Variants in FHIT observed in about 807,000 individuals in gnomAD.
FHIT encodes bis(5'-adenosyl)-triphosphatase.
Under a neutral mutation model 17.9 loss-of-function variants are expected in FHIT, and 19 were observed. The ratio of observed to expected loss-of-function variants is 1.06; its 90% CI spans 0.74 to 1.56. The LOEUF is 1.56. Ranked by LOEUF, FHIT falls within the 40% of genes most tolerant of loss-of-function variation. The probability of loss-of-function intolerance (pLI) is 0.00; values close to 1 mark genes in which losing one functional copy is unlikely to be tolerated. For missense variants in FHIT, 248 were observed against 189.2 expected (o/e 1.31, Z -1.82); for synonymous variants, 81 against 69.7 (o/e 1.16, Z -0.81).
chr3:60,643,722 T>C (rs376703067), intron 4 of FHIT, among the ~76,000 whole-genome samples: 2 of 152,204 alleles, frequency 1.3e-5, no homozygotes, highest in Non-Finnish European at 2.9e-5. Flanking sequence ...TTATTTATAC[T>C]CCTTCTATGA....
chr3:60,080,062 A>T (rs1703209656), intron 5 of FHIT, among the ~76,000 whole-genome samples: 1 of 152,184 alleles, frequency 6.6e-6, no homozygotes, highest in South Asian at 2.1e-4. Context: ...TTTTGAAAGG[A>T]GAAAAAAATA....
intron 2 of FHIT, among the ~76,000 whole-genome samples, chr3:61,114,891 T>C (rs995916188): frequency 1.3e-4 from 20 of 152,270 alleles, no homozygotes; most frequent in Non-Finnish European, 2.4e-4. Flanking sequence ...ATGCTTCCAG[T>C]ACAAAGTTTA....
At chr3:59,962,797 A>T (rs1342164179) in intron 7 of FHIT, among the ~76,000 whole-genome samples, 1 of 152,250 alleles carries the variant, frequency 6.6e-6, no homozygotes, top group Non-Finnish European at 1.5e-5. Context: ...TCAAGAACAC[A>T]AACATAATCT....
At position 60,222,575 on chromosome 3, in the gene FHIT, G is replaced by A. The variant is rs531633072; in HGVS notation, c.104-208423C>T. Among the ~76,000 whole-genome samples, 4 of 152,244 alleles carry A rather than the reference G, an allele frequency of 2.6e-5. No individual in the cohort carries two copies. The South Asian group carries it at 6.2e-4, about 24-fold the overall frequency. On this transcript the variant is annotated intron_variant, in intron 5 of 9. Transcript: ENST00000492590. ...GGAGGTTGAGGCGGGTGGATCACGA[G>A]GTCAGGAGTTCGAGACCAGCCTGGC...
intron 5 of FHIT, among the ~76,000 whole-genome samples, chr3:60,241,111 T>C (rs1208292160): frequency 6.6e-6 from 1 of 152,124 alleles, no homozygotes; most frequent in Non-Finnish European, 1.5e-5. Flanking sequence ...GGGGGTGGAA[T>C]GGGGAATCAC....
chr3:60,512,978 C>A (rs575130197), intron 5 of FHIT, among the ~76,000 whole-genome samples: 148 of 152,240 alleles, frequency 9.7e-4, no homozygotes, highest in Admixed American at 4.8e-3. Context: ...ACTGAGAAAG[C>A]AAATTGAGAA....
intron 5 of FHIT, among the ~76,000 whole-genome samples, chr3:60,099,403 T>C (rs1704099367): frequency 1.3e-5 from 2 of 152,140 alleles, no homozygotes; most frequent in Non-Finnish European, 2.9e-5. Flanking sequence ...GCTATAATAA[T>C]CCTCATTTCA....
At chr3:61,009,842 T>A (rs1328710306) in intron 3 of FHIT, among the ~76,000 whole-genome samples, 1 of 152,208 alleles carries the variant, frequency 6.6e-6, no homozygotes, top group Non-Finnish European at 1.5e-5. Context: ...AATATAATAT[T>A]TGGGTAGCCT....
intron 2 of FHIT, among the ~76,000 whole-genome samples, chr3:61,172,685 C>CATA (rs1414745907): frequency 6.6e-6 from 1 of 152,146 alleles, no homozygotes; most frequent in Non-Finnish European, 1.5e-5. Flanking sequence ...TGTCCAAACA[C>CATA]TTTCTGTGAG....
intron 4 of FHIT, among the ~76,000 whole-genome samples, chr3:60,737,686 G>A (rs1553712945): frequency 6.6e-6 from 1 of 152,156 alleles, no homozygotes; most frequent in East Asian, 1.9e-4. Flanking sequence ...ATAGATGGAG[G>A]AACCAGGGTG....
intron 8 of FHIT, among the ~76,000 whole-genome samples, chr3:59,769,799 T>A (rs896524140): frequency 6.6e-6 from 1 of 151,790 alleles, no homozygotes. Context: ...TCCCCTCAGA[T>A]AAACCCATTC....
At chr3:60,049,382 CTTTAA>C (rs1259945459) in intron 5 of FHIT, among the ~76,000 whole-genome samples, 1 of 152,076 alleles carries the variant, frequency 6.6e-6, no homozygotes, top group Non-Finnish European at 1.5e-5. Flanking sequence ...TTTAATTTAT[CTTTAA>C]TTTAAATTTG....
At chr3:60,146,013 T>A (rs999169226) in intron 5 of FHIT, among the ~76,000 whole-genome samples, 1 of 151,572 alleles carries the variant, frequency 6.6e-6, no homozygotes, top group South Asian at 2.1e-4. Context: ...AAAAGCTGTA[T>A]TGGTTTCCTC....
chr3:59,878,891 T>A (rs967897601), intron 8 of FHIT, among the ~76,000 whole-genome samples: 1 of 145,422 alleles, frequency 6.9e-6, no homozygotes, highest in African/African-American at 2.4e-5. Flanking sequence ...CTGCATGCTA[T>A]TTTTTTTACT....
chr3:60,371,365 CTTTTT>C (rs56390367), intron 5 of FHIT, among the ~76,000 whole-genome samples: 2 of 148,886 alleles, frequency 1.3e-5, no homozygotes, highest in Admixed American at 6.7e-5. Flanking sequence ...TTTCTTCTAG[CTTTTT>C]TTTTTAAGAG....
At chr3:60,073,743 C>T (rs1291984079) in intron 5 of FHIT, among the ~76,000 whole-genome samples, 2 of 152,130 alleles carry the variant, frequency 1.3e-5, no homozygotes, top group East Asian at 3.9e-4. Context: ...ACCTGTGGCC[C>T]TTGACTCACT....
At chr3:61,040,623 G>C (rs2033461691) in intron 3 of FHIT, among the ~76,000 whole-genome samples, 1 of 151,962 alleles carries the variant, frequency 6.6e-6, no homozygotes, top group African/African-American at 2.4e-5. Flanking sequence ...ACTTGATGAA[G>C]GGATCTACAC....
chr3:60,191,433 C>T (rs1702399100), intron 5 of FHIT, among the ~76,000 whole-genome samples: 1 of 152,120 alleles, frequency 6.6e-6, no homozygotes, highest in African/African-American at 2.4e-5. Context: ...AGATAAAAAG[C>T]AGTATTTCAA....
intron 5 of FHIT, chr3:60,080,798 G>T (rs1282520679): frequency 6.6e-6 from 1 of 152,192 alleles, no homozygotes; most frequent in Non-Finnish European, 1.5e-5. Flanking sequence ...TACCAAGGGT[G>T]CAGTTTGTTT....
Sources: gnomAD v4.1 joint callset for allele counts (sites outside exome capture counted in the v4.1 genomes callset) on GRCh38, gnomAD v4.1.1 for gene constraint, MANE v1.5 for transcripts, NCBI Gene and HGNC (gene_info 2026-07-23, HGNC 2026-07-21) for gene names.